The following ATP10D variants were observed in gnomAD, a reference collection of about 807,000 sequenced individuals.
ATP10D encodes ATPase phospholipid transporting 10D (putative), also known as phospholipid-transporting ATPase VD.
A neutral mutation model predicts 144.8 loss-of-function variants in ATP10D; 89 were observed. The ratio of observed to expected loss-of-function variants is 0.61; its 90% confidence interval spans 0.52 to 0.73. The LOEUF (loss-of-function observed/expected upper bound fraction) is 0.73, where lower values mean the gene tolerates loss of function less well. Ranked by LOEUF, ATP10D falls within the 30% of genes least tolerant of loss-of-function variation. The probability of loss-of-function intolerance (pLI) is 0.00; values close to 1 mark genes in which losing one functional copy is unlikely to be tolerated. For missense variants in ATP10D, 1,603 were observed against 1,714.8 expected (o/e 0.93, Z 1.15); for synonymous variants, 571 against 615.1 (o/e 0.93, Z 1.06).
At chr4:47,514,575 G>T (rs550277720) in intron 2 of ATP10D, among the ~76,000 whole-genome samples, 223 of 152,298 alleles carry the variant, frequency 1.5e-3, no homozygotes, top group African/African-American at 5.0e-3. Context: ...AAGGAAAAGG[G>T]TGTCTTGAAC....
Position 47,587,183 on chromosome 4 carries a change from G to T in ATP10D, c.3918G>T (p.Thr1306=). The T allele has an allele frequency of 6.2e-7, 1 of 1,613,518 alleles. No homozygotes were observed. The highest frequency in any genetic ancestry group is 2.2e-5 in the East Asian group (1 of 44,864). The part of the protein sequence containing the change: ...DPVFYLVCIL[T]TSIALLPRFV... The stretch of plus-strand genomic sequence containing the variant: ...TATTCTACTTAGTTTGTATCCTCAC[G>T]ACGTCCATTGCTCTTCTGCCCAGGT... The change falls in exon 22 of 23, where the codon ACG becomes ACT. Residue 1306 remains threonine, a synonymous_variant. Coordinates refer to ENST00000273859, the MANE Select transcript of ATP10D (RefSeq NM_020453.4).
intron 9 of ATP10D, among the ~76,000 whole-genome samples, chr4:47,537,942 A>T (rs1446590342): frequency 6.6e-6 from 1 of 152,190 alleles, no homozygotes; most frequent in Non-Finnish European, 1.5e-5. Flanking sequence ...AATTATGATA[A>T]ATAAAATTCA....
intron 18 of ATP10D, among the ~76,000 whole-genome samples, chr4:47,575,345 TTGTC>T (rs1304096785): frequency 6.6e-6 from 1 of 152,112 alleles, no homozygotes; most frequent in Non-Finnish European, 1.5e-5. Flanking sequence ...TGAACTTAGT[TTGTC>T]TGAGACAAAA....
rs533561156 is a variant in ATP10D, at chr4:47,512,724, G to T, written c.184G>T (p.Asp62Tyr). The T allele has an allele frequency of 4.6e-5, 74 of 1,614,090 alleles. No individual in the cohort carries two copies. Among genetic ancestry groups the T allele is most frequent in the Non-Finnish European group, 8.5e-7 (1 of 1,180,040 alleles). ...IVVPHIQPFKDEYEKFSGAYV... is the reference protein window; with the variant it reads ...IVVPHIQPFKYEYEKFSGAYV... ...TGTTCCCCACATCCAGCCCTTCAAG[G>T]ATGAGTATGAGAAGTTCTCCGGAGC... The change falls in exon 2 of 23, where the codon GAT becomes TAT. Residue 62 changes from aspartate to tyrosine, a missense_variant. By Grantham distance (160) the Asp-to-Tyr change is radical. Transcript: ENST00000273859.
At chr4:47,518,349 A>G (rs1716786804) in intron 3 of ATP10D, among the ~76,000 whole-genome samples, 2 of 152,194 alleles carry the variant, frequency 1.3e-5, no homozygotes, top group Admixed American at 6.5e-5. Context: ...CCCCCAATTA[A>G]GTTAGAATAA....
rs573444591 is a variant in ATP10D, at chr4:47,523,349, C to A, written c.690+133C>A. ...GATGAAATAGAATCCCAGAAGGTTTCATTCACTTCCAGATATGAGTGGAAG... is the reference window on the plus strand; with the variant it reads ...GATGAAATAGAATCCCAGAAGGTTTAATTCACTTCCAGATATGAGTGGAAG... On this transcript the variant is annotated intron_variant, in intron 4 of 22. Transcript: ENST00000273859. 1.6e-4 allele frequency: 119 copies of A among 734,990 alleles called. 2 individuals carry two copies. The South Asian group carries it at 2.1e-3, about 13-fold the overall frequency. The allele number at this position is 734,990 out of a possible 1,614,324, so 45.5% of individuals were successfully genotyped here.
intron 1 of ATP10D, chr4:47,491,593 A>G (rs566813865): frequency 8.9e-6 from 3 of 335,774 alleles, no homozygotes; most frequent in Non-Finnish European, 1.7e-5. Flanking sequence ...TTAGCAAGTC[A>G]GGGCTTCAGT....
At chr4:47,565,894 C>T (rs956340240) in intron 15 of ATP10D, among the ~76,000 whole-genome samples, 2 of 152,184 alleles carry the variant, frequency 1.3e-5, no homozygotes, top group Non-Finnish European at 2.9e-5. Context: ...CTATCGATAG[C>T]TATTCCACAT....
At position 47,535,977 on chromosome 4, in the gene ATP10D, C is replaced by T. The variant is rs35596623; in HGVS notation, c.959C>T (p.Thr320Ile). Residue 320 changes from threonine to isoleucine, a missense_variant, in exon 7 of 23, where the codon ACA becomes ATA. Transcript: ENST00000273859. The stretch of plus-strand genomic sequence containing the variant: ...AGCAAATTAGAAAGAAGAGCAAACA[C>T]AGATGTCCTCTGGTGTGTCATGCTT... Reference protein sequence around the residue: ...KRSKLERRANTDVLWCVMLLV... With the variant: ...KRSKLERRANIDVLWCVMLLV... 767 of 1,613,134 alleles carry T rather than the reference C, an allele frequency of 4.8e-4. 2 individuals carry two copies. The African/African-American group carries it at 8.7e-3, about 18-fold the overall frequency.
chr4:47,547,090 G>GA (rs5858078), intron 10 of ATP10D: 77,214 of 443,476 alleles, frequency 0.17, 2,535 homozygotes, highest in South Asian at 0.22. Flanking sequence ...TACCATTTCT[G>GA]AAAAAAAAAA....
chr4:47,528,509 G>GTATA (rs1382630093), intron 5 of ATP10D, among the ~76,000 whole-genome samples: 4 of 57,688 alleles, frequency 6.9e-5, no homozygotes, highest in Non-Finnish European at 1.4e-4. Flanking sequence ...GTGTGTGTGT[G>GTATA]TGTGTATATA....
intron 10 of ATP10D, among the ~76,000 whole-genome samples, chr4:47,552,380 G>T (rs1718771793): frequency 6.6e-6 from 1 of 152,184 alleles, no homozygotes; most frequent in South Asian, 2.1e-4. Flanking sequence ...AGATCTGGAG[G>T]CTGGAAAGTC....
At chr4:47,505,216 A>G (rs922553051) in intron 1 of ATP10D, among the ~76,000 whole-genome samples, 1 of 152,236 alleles carries the variant, frequency 6.6e-6, no homozygotes, top group African/African-American at 2.4e-5. Flanking sequence ...TTACACATTC[A>G]AAGAAGATGG....
rs1717842167 is a variant in ATP10D at position 47,536,285 on chromosome 4, A to G, written c.1016-152A>G. ...AAAGAGAGAGAGAGAGAGAGAATGT[A>G]TAGCCTTTTGAATTTGAATTTTGTT... On this transcript the variant is annotated intron_variant, in intron 7 of 22. Coordinates refer to ENST00000273859, the MANE Select transcript of ATP10D (RefSeq NM_020453.4). 6.3e-6 allele frequency: 7 copies of G among 1,111,732 alleles called. No homozygotes were observed. The South Asian group carries it at 1.1e-4, about 17-fold the overall frequency. The allele number at this position is 1,111,732 out of a possible 1,614,324, so 68.9% of individuals were successfully genotyped here.
At chr4:47,574,758 T>TC in intron 18 of ATP10D, among the ~76,000 whole-genome samples, 1 of 152,216 alleles carries the variant, frequency 6.6e-6, no homozygotes, top group South Asian at 2.1e-4. Flanking sequence ...ACAATAATTT[T>TC]TTTTTTTAAT....
intron 5 of ATP10D, among the ~76,000 whole-genome samples, chr4:47,531,332 C>G (rs1717557717): frequency 6.6e-6 from 1 of 152,056 alleles, no homozygotes; most frequent in Non-Finnish European, 1.5e-5. Flanking sequence ...ATTAAATCTT[C>G]AAGAATGAGA....
intron 9 of ATP10D, among the ~76,000 whole-genome samples, chr4:47,540,412 T>A (rs4283632): frequency 0.31 from 47,398 of 152,052 alleles, 7,560 homozygotes; most frequent in Admixed American, 0.36. Context: ...GCTTTTAAAT[T>A]GCAGAAACTC....
rs1345346672 is a variant in ATP10D, at chr4:47,515,639, A to G, written c.454A>G (p.Ile152Val). 6.2e-7 allele frequency: 1 copy of G among 1,610,636 alleles called. No individual in the cohort carries two copies. Among genetic ancestry groups the G allele is most frequent in the Non-Finnish European group, 8.5e-7 (1 of 1,176,844 alleles). Reference sequence around the variant, plus strand: ...TCGGAAATACAAAATTGACAAACAGATCAATAATTTAATAACTAAAGTTTA... The same window carrying G: ...TCGGAAATACAAAATTGACAAACAGGTCAATAATTTAATAACTAAAGTTTA... ...DYRKYKIDKQINNLITKVYSR... is the reference protein window; with the variant it reads ...DYRKYKIDKQVNNLITKVYSR... The change falls in exon 3 of 23, where the codon ATC becomes GTC. Residue 152 changes from isoleucine (I) to valine (V), a missense_variant. Physicochemically the swap from Ile to Val is conservative, Grantham distance 29. Coordinates refer to ENST00000273859, the MANE Select transcript of ATP10D (RefSeq NM_020453.4).
intron 9 of ATP10D, among the ~76,000 whole-genome samples, chr4:47,542,004 A>G (rs1272534310): frequency 6.6e-6 from 1 of 152,068 alleles, no homozygotes; most frequent in Admixed American, 6.6e-5. Flanking sequence ...CCTTAAGGTA[A>G]GTATTAAGAA....
Sources: gnomAD v4.1 joint callset for allele counts (sites outside exome capture counted in the v4.1 genomes callset) on GRCh38, gnomAD v4.1.1 for gene constraint, MANE v1.5 for transcripts, NCBI Gene and HGNC (gene_info 2026-07-23, HGNC 2026-07-21) for gene names.